TMEM132C: variants seen among roughly 807,000 people sequenced by gnomAD.
TMEM132C encodes the protein protein phosphatase 1, regulatory subunit 152.
Under a neutral mutation model 61.4 loss-of-function variants are expected in TMEM132C, and 29 were observed. The observed-to-expected ratio is 0.47, with a 90% CI of 0.35 to 0.64. The LOEUF is 0.64. TMEM132C is among the 30% of genes least tolerant of loss of function. The probability of loss-of-function intolerance (pLI) is 0.00; values close to 1 mark genes in which losing one functional copy is unlikely to be tolerated. For synonymous variants in TMEM132C, 656 were observed against 633.1 expected (o/e 1.04, Z -0.54); for missense variants, 1,408 against 1,476.9 (o/e 0.95, Z 0.76).
At chr12:128,427,387 G>GGTGTGTGTGTGTGTGTGTGT (rs761620460) in intron 2 of TMEM132C, among the ~76,000 whole-genome samples, 33 of 132,356 alleles carry the variant, frequency 2.5e-4, no homozygotes, top group African/African-American at 7.6e-4. Context: ...CTTCCAAAGG[G>GGTGTGTGTGTGTGTGTGTGT]GTGTGTGTGT....
At chr12:128,453,822 GC>G (rs1210635531) in intron 2 of TMEM132C, among the ~76,000 whole-genome samples, 1 of 152,142 alleles carries the variant, frequency 6.6e-6, no homozygotes, top group Admixed American at 6.5e-5. Flanking sequence ...AGAAAAATTG[GC>G]TCTTTGGCCA....
In TMEM132C at chr12:128,616,231, A is replaced by G. The variant is rs756348220; in HGVS notation, c.1201A>G (p.Ile401Val). The G allele has an allele frequency of 6.4e-7, 1 of 1,551,830 alleles. No homozygotes were observed. Among genetic ancestry groups the G allele is most frequent in the South Asian group, 1.2e-5 (1 of 84,060 alleles). ...CAGCAGCCTTTCAGGGACTCAGCCC[A>G]TCACGTGGCAGGTGGAGTACCCACG... ...SFSSLSGTQPITWQVEYPRKG... is the reference protein window; with the variant it reads ...SFSSLSGTQPVTWQVEYPRKG... The change falls in exon 4 of 9, where the codon ATC (isoleucine) becomes GTC (valine). Residue 401 changes from isoleucine (I) to valine (V), a missense_variant. Transcript: ENST00000435159.
chr12:128,349,116 G>C (rs1412679161), intron 1 of TMEM132C, among the ~76,000 whole-genome samples: 1 of 152,150 alleles, frequency 6.6e-6, no homozygotes, highest in East Asian at 1.9e-4. Context: ...TGATTCTCCT[G>C]GCTCAGCCTC....
chr12:128,536,759 G>A (rs1049725657), intron 2 of TMEM132C, among the ~76,000 whole-genome samples: 1 of 152,166 alleles, frequency 6.6e-6, no homozygotes, highest in African/African-American at 2.4e-5. Flanking sequence ...TTGTGTGTGT[G>A]TGTGTGTGTC....
At chr12:128,273,632 CT>C (rs1870591287) in intron 1 of TMEM132C, among the ~76,000 whole-genome samples, 2 of 152,024 alleles carry the variant, frequency 1.3e-5, no homozygotes, top group Admixed American at 6.6e-5. Flanking sequence ...TCCCTACCAG[CT>C]TTTATATTGA....
In TMEM132C at chr12:128,507,052, G is replaced by C. The variant is rs139452657; in HGVS notation, c.975-36905G>C. ...CAGATCCCAGGGAAAAAGAAGTCCT[G>C]GTTTACCTGGCTTTGGGGCTCCTAG... On this transcript the variant is annotated intron_variant, in intron 2 of 8. Transcript: ENST00000435159. Among the ~76,000 whole-genome samples the C allele has an allele frequency of 3.9e-5, 6 of 152,164 alleles. No homozygotes were observed. In the East Asian group the frequency reaches 1.2e-3, roughly 29 times the overall value.
intron 2 of TMEM132C, among the ~76,000 whole-genome samples, chr12:128,434,795 G>A (rs1027812756): frequency 1.4e-4 from 21 of 150,498 alleles, no homozygotes; most frequent in Non-Finnish European, 3.0e-5. Flanking sequence ...TTTATTTTTG[G>A]TATTTTAGTA....
intron 1 of TMEM132C, among the ~76,000 whole-genome samples, chr12:128,269,152 C>G (rs1412236079): frequency 6.6e-6 from 1 of 152,124 alleles, no homozygotes; most frequent in African/African-American, 2.4e-5. Flanking sequence ...CCCAACCTAC[C>G]TCCCAGCAGT....
chr12:128,268,577 C>A (rs1389262214), intron 1 of TMEM132C, among the ~76,000 whole-genome samples: 1 of 152,112 alleles, frequency 6.6e-6, no homozygotes, highest in South Asian at 2.1e-4. Flanking sequence ...GTGCCCTGAG[C>A]CTTCGCGCGG....
chr12:128,443,879 C>G (rs1326311153), intron 2 of TMEM132C, among the ~76,000 whole-genome samples: 1 of 152,210 alleles, frequency 6.6e-6, no homozygotes, highest in Admixed American at 6.5e-5. Flanking sequence ...GGATTGCCTC[C>G]TGCTGGTTCT....
intron 8 of TMEM132C, among the ~76,000 whole-genome samples, chr12:128,704,672 G>A (rs938129425): frequency 4.6e-5 from 7 of 152,194 alleles, no homozygotes. Context: ...GACAACAGCT[G>A]TATCCATTCA....
intron 1 of TMEM132C, among the ~76,000 whole-genome samples, chr12:128,396,766 C>T (rs963150605): frequency 6.6e-6 from 1 of 152,146 alleles, no homozygotes; most frequent in Non-Finnish European, 1.5e-5. Context: ...TAGGAAGTGG[C>T]CAGGCTGTGA....
chr12:128,471,315 TTG>T, intron 2 of TMEM132C, among the ~76,000 whole-genome samples: 1 of 152,256 alleles, frequency 6.6e-6, no homozygotes, highest in South Asian at 2.1e-4. Flanking sequence ...CCTGATGTAT[TTG>T]TGTGTTTGGT....
At chr12:128,450,016 A>G (rs1565939963) in intron 2 of TMEM132C, among the ~76,000 whole-genome samples, 3 of 152,178 alleles carry the variant, frequency 2.0e-5, no homozygotes, top group Admixed American at 1.3e-4. Flanking sequence ...TGAGTTTCAC[A>G]AGTGAGTTAC....
In TMEM132C at chr12:128,697,350, G is replaced by T. The variant is rs531762702; in HGVS notation, c.2056G>T (p.Ala686Ser). The change falls in exon 8 of 9, where the codon GCA becomes TCA. Residue 686 changes from alanine (A) to serine (S), a missense_variant. By Grantham distance (99) the Ala-to-Ser change is moderately conservative. Coordinates refer to ENST00000435159, the MANE Select transcript of TMEM132C (RefSeq NM_001136103.3). ...GCTGTCTGTCGCCCTTTACCCCAAC[G>T]CAGAAAACAGCAAGGCCGTAACAGC... ...AGLSVALYPN[A>S]ENSKAVTAVV... 6.4e-7 allele frequency: 1 copy of T among 1,551,134 alleles called. No homozygotes were observed. The highest frequency in any genetic ancestry group is 1.2e-5 in the South Asian group (1 of 84,006).
intron 3 of TMEM132C, among the ~76,000 whole-genome samples, chr12:128,583,450 G>A (rs1431628919): frequency 1.3e-5 from 2 of 151,716 alleles, no homozygotes; most frequent in East Asian, 3.9e-4. Context: ...AAGAAAAGTT[G>A]CTCTGCAGGT....
intron 1 of TMEM132C, among the ~76,000 whole-genome samples, chr12:128,314,208 T>C (rs115688575): frequency 6.6e-6 from 1 of 152,330 alleles, no homozygotes; most frequent in African/African-American, 2.4e-5. Context: ...AAAATATCCC[T>C]GGAGTGAGAA....
chr12:128,300,935 G>A (rs1356673838), intron 1 of TMEM132C, among the ~76,000 whole-genome samples: 1 of 152,154 alleles, frequency 6.6e-6, no homozygotes, highest in Non-Finnish European at 1.5e-5. Context: ...CAGCTACTTG[G>A]GAGGCTGAGG....
chr12:128,486,447 G>C (rs1374639976), intron 2 of TMEM132C, among the ~76,000 whole-genome samples: 2 of 152,084 alleles, frequency 1.3e-5, no homozygotes, highest in African/African-American at 2.4e-5. Flanking sequence ...AGCCCGAGGA[G>C]AGTCTACAAG....
Sources: allele counts gnomAD v4.1 joint callset (sites outside exome capture counted in the v4.1 genomes callset), GRCh38; gene constraint gnomAD v4.1.1; transcripts MANE v1.5; gene names NCBI Gene and HGNC (gene_info 2026-07-23, HGNC 2026-07-21).